The following KANK1 variants were observed in gnomAD, a reference collection of about 807,000 sequenced individuals.
KANK1 encodes the protein KN motif and ankyrin repeat domains 1, also known as KN motif and ankyrin repeat domain-containing protein 1.
In KANK1, 109 loss-of-function variants were observed where a neutral mutation model predicts 106.2. The observed-to-expected ratio is 1.03, with a 90% CI of 0.88 to 1.20. KANK1 has a LOEUF of 1.20. Ranked by LOEUF, KANK1 falls within the 50% of genes most tolerant of loss-of-function variation. KANK1 has a pLI of 0.00. For missense variants in KANK1, 2,399 were observed against 1,710.7 expected, an observed-to-expected ratio of 1.40 and a Z score of -7.10; for synonymous variants, 873 against 652.2, an observed-to-expected ratio of 1.34 and a Z score of -5.16.
rs147935535 is a variant in KANK1, at chr9:717,079, G to C, written c.2698+3615G>C. On this transcript the variant is annotated intron_variant, in intron 3 of 11. Transcript: ENST00000382297. ...GCTGGCAGAGTGCTTGAGCCCAGGA[G>C]TTCGAGACCATCCTGGGCAATATGG... Among the ~76,000 whole-genome samples the C allele has an allele frequency of 3.7e-4, 57 of 152,282 alleles. 1 individual carries two copies. The East Asian group carries it at 0.011, about 29-fold the overall frequency.
At chr9:622,326 A>G (rs1198598674) in intron 1 of KANK1, among the ~76,000 whole-genome samples, 1 of 152,160 alleles carries the variant, frequency 6.6e-6, no homozygotes, top group Non-Finnish European at 1.5e-5. Context: ...GGTGTGGTGA[A>G]AGACTGCTAC....
At chr9:598,237 A>G (rs990818416) in intron 1 of KANK1, among the ~76,000 whole-genome samples, 1 of 151,858 alleles carries the variant, frequency 6.6e-6, no homozygotes, top group Non-Finnish European at 1.5e-5. Context: ...TCCCTATACT[A>G]GTACTACACC....
chr9:554,573 T>C (rs1414551427), intron 1 of KANK1, among the ~76,000 whole-genome samples: 4 of 152,210 alleles, frequency 2.6e-5, no homozygotes, highest in Non-Finnish European at 5.9e-5. Context: ...ATAGAAAATA[T>C]TATTTCTAAA....
At chr9:619,434 C>T (rs1391278344) in intron 1 of KANK1, among the ~76,000 whole-genome samples, 2 of 152,146 alleles carry the variant, frequency 1.3e-5, no homozygotes, top group East Asian at 3.8e-4. Context: ...GTCCCTTTGC[C>T]TATCGTCAGA....
intron 1 of KANK1, among the ~76,000 whole-genome samples, chr9:555,273 G>T (rs568448302): frequency 1.3e-5 from 2 of 152,104 alleles, no homozygotes; most frequent in Non-Finnish European, 2.9e-5. Context: ...AGGGTGATAC[G>T]ATGACTCTAT....
chr9:604,733 G>C (rs1001666254), intron 1 of KANK1, among the ~76,000 whole-genome samples: 12 of 151,768 alleles, frequency 7.9e-5, no homozygotes, highest in African/African-American at 2.2e-4. Flanking sequence ...GGGAAGCTGA[G>C]GCAGGAGAAT....
At chr9:519,128 G>A (rs1350178480) in intron 1 of KANK1, among the ~76,000 whole-genome samples, 1 of 151,616 alleles carries the variant, frequency 6.6e-6, no homozygotes, top group Non-Finnish European at 1.5e-5. Flanking sequence ...AACCTCAGGT[G>A]ATCTGCCTGC....
intron 3 of KANK1, among the ~76,000 whole-genome samples, chr9:719,080 C>T (rs922323792): frequency 2.0e-5 from 3 of 151,264 alleles, no homozygotes; most frequent in African/African-American, 7.3e-5. Context: ...CTGCCTCAGC[C>T]TCCTGAATAG....
At chr9:540,430 G>C (rs1487584878) in intron 1 of KANK1, 1 of 152,126 alleles carries the variant, frequency 6.6e-6, no homozygotes, top group African/African-American at 2.4e-5. Flanking sequence ...TTTTGAATTT[G>C]GTTTGCTGGT....
intron 1 of KANK1, among the ~76,000 whole-genome samples, chr9:573,655 C>T (rs953293261): frequency 2.6e-5 from 4 of 151,988 alleles, no homozygotes; most frequent in South Asian, 2.1e-4. Context: ...AAGTAAGTCG[C>T]GGGCATTTTA....
intron 1 of KANK1, among the ~76,000 whole-genome samples, chr9:509,348 G>A (rs750802954): frequency 6.6e-6 from 1 of 152,168 alleles, no homozygotes; most frequent in Non-Finnish European, 1.5e-5. Flanking sequence ...CACCCACCTC[G>A]GCCTCCCAAA....
At chr9:723,484 T>C (rs7026230) in intron 3 of KANK1, among the ~76,000 whole-genome samples, 82,446 of 148,764 alleles carry the variant, frequency 0.55, 23,777 homozygotes, top group Non-Finnish European at 0.67. Context: ...TGGGGCATGA[T>C]CACAAGCACC....
At chr9:683,032 T>C (rs375254072) in intron 2 of KANK1, among the ~76,000 whole-genome samples, 1 of 152,188 alleles carries the variant, frequency 6.6e-6, no homozygotes. Flanking sequence ...TAGTTTGCAG[T>C]GACTGGTCTG....
At chr9:562,449 A>T (rs936862684) in intron 1 of KANK1, among the ~76,000 whole-genome samples, 1 of 152,218 alleles carries the variant, frequency 6.6e-6, no homozygotes, top group Non-Finnish European at 1.5e-5. Context: ...TCATGTTCCC[A>T]GTAAAGAGCT....
intron 1 of KANK1, among the ~76,000 whole-genome samples, chr9:513,389 C>G (rs1447886591): frequency 6.6e-6 from 1 of 152,184 alleles, no homozygotes; most frequent in African/African-American, 2.4e-5. Context: ...AACAGAGTGT[C>G]AGGAGCCCTG....
rs5023127 is a variant in KANK1 at position 670,956 on chromosome 9, T to G, written c.-83-5934T>G. 2.2e-3 allele frequency among the ~76,000 whole-genome samples: 281 copies of G among 129,498 alleles called. 1 individual carries two copies. The highest frequency in any genetic ancestry group is 6.7e-3 in the East Asian group (20 of 2,978). The allele number at this position is 129,498 out of a possible 152,430, so 85.0% of individuals were successfully genotyped here. A position where few individuals can be genotyped will look rare whatever the true frequency, so the allele number is the denominator to read the frequency against. ...CTCTTACTGTCTGCTGGAGTTTTTT[T>G]TTTTTTTTTTTTTTTTTTTTTTACT... On this transcript the variant is annotated intron_variant, in intron 1 of 11. Transcript: ENST00000382297.
intron 3 of KANK1, chr9:478,121 A>C (rs2058138109): frequency 4.7e-6 from 1 of 213,172 alleles, no homozygotes; most frequent in African/African-American, 2.3e-5. Flanking sequence ...AAGGAACCAG[A>C]GACAGAAAGA....
At chr9:540,357 A>G (rs2060530307) in intron 1 of KANK1, among the ~76,000 whole-genome samples, 1 of 152,224 alleles carries the variant, frequency 6.6e-6, no homozygotes, top group Admixed American at 6.5e-5. Context: ...GCATATGTTG[A>G]ACCATCTTTG....
At chr9:475,181 G>A (rs1004085970) in intron 3 of KANK1, among the ~76,000 whole-genome samples, 4 of 152,126 alleles carry the variant, frequency 2.6e-5, no homozygotes, top group Non-Finnish European at 4.4e-5. Flanking sequence ...GCAAAGTGGC[G>A]GAGTTTAATT....
Sources: gnomAD v4.1 joint callset for allele counts (sites outside exome capture counted in the v4.1 genomes callset) on GRCh38, gnomAD v4.1.1 for gene constraint, MANE v1.5 for transcripts, NCBI Gene and HGNC (gene_info 2026-07-23, HGNC 2026-07-21) for gene names.